Variants in CCDC66 observed in about 807,000 individuals in gnomAD.
CCDC66 encodes coiled-coil domain-containing protein 66.
Under a neutral mutation model 128.3 loss-of-function variants are expected in CCDC66, and 133 were observed. The ratio of observed to expected loss-of-function variants is 1.04; its 90% CI spans 0.90 to 1.20. The LOEUF (loss-of-function observed/expected upper bound fraction) is 1.20. Among genes scored for constraint, CCDC66 ranks in the 50% most tolerant of loss-of-function variants. CCDC66 has a pLI of 0.00. For synonymous variants in CCDC66, 387 were observed against 357.0 expected, an observed-to-expected ratio of 1.08 and a Z score of -0.95; for missense variants, 1,126 against 1,075.5, an observed-to-expected ratio of 1.05 and a Z score of -0.66.
chr3:56,620,627 C>G (rs767918824), intron 17 of CCDC66: 2 of 152,202 alleles, frequency 1.3e-5, no homozygotes, highest in Non-Finnish European at 2.9e-5. Context: ...TGTCCCCCCA[C>G]TTTGGTCTAT....
intron 10 of CCDC66, among the ~76,000 whole-genome samples, chr3:56,610,470 T>TAGAA (rs2074638666): frequency 6.6e-6 from 1 of 152,218 alleles, no homozygotes; most frequent in African/African-American, 2.4e-5. Context: ...CTCCCTTTAC[T>TAGAA]TCTTGTATCA....
chr3:56,605,619 T>G (rs1044035003), intron 10 of CCDC66, among the ~76,000 whole-genome samples: 1 of 152,052 alleles, frequency 6.6e-6, no homozygotes, highest in African/African-American at 2.4e-5. Flanking sequence ...CAGCAAAGAT[T>G]GCTGCTTGTT....
At chr3:56,582,317 C>A (rs1026991438) in intron 7 of CCDC66, among the ~76,000 whole-genome samples, 9 of 151,898 alleles carry the variant, frequency 5.9e-5, no homozygotes, top group African/African-American at 1.9e-4. Context: ...TCTGTCACGG[C>A]TTCCCTTTGC....
intron 7 of CCDC66, among the ~76,000 whole-genome samples, chr3:56,583,471 G>A (rs1043905875): frequency 2.0e-5 from 3 of 151,860 alleles, no homozygotes; most frequent in Non-Finnish European, 2.9e-5. Flanking sequence ...TGTGTCCCTG[G>A]GTACTTGAGA....
chr3:56,615,099 T>C (rs758406760), intron 11 of CCDC66, 29 bp from the exon 12 acceptor site: 5 of 1,604,556 alleles, frequency 3.1e-6, no homozygotes, highest in Non-Finnish European at 3.4e-6. Flanking sequence ...GTTTAATAGA[T>C]GAATTTAGTA....
chr3:56,591,804 T>C (rs1272116543), intron 7 of CCDC66, among the ~76,000 whole-genome samples: 1 of 152,200 alleles, frequency 6.6e-6, no homozygotes, highest in Non-Finnish European at 1.5e-5. Flanking sequence ...AAACAGTGAG[T>C]TGTAAACTAT....
chr3:56,606,950 G>T (rs536477251), intron 10 of CCDC66, among the ~76,000 whole-genome samples: 2 of 152,164 alleles, frequency 1.3e-5, no homozygotes, highest in Admixed American at 6.5e-5. Context: ...TCAGTTGGCT[G>T]TAAGTATTTG....
At chr3:56,591,789 G>A (rs541954426) in intron 7 of CCDC66, among the ~76,000 whole-genome samples, 1 of 152,136 alleles carries the variant, frequency 6.6e-6, no homozygotes. Context: ...TATTTCTTCT[G>A]ATCAAAACAG....
intron 10 of CCDC66, among the ~76,000 whole-genome samples, chr3:56,602,025 A>G (rs1371351791): frequency 6.6e-6 from 1 of 152,042 alleles, no homozygotes; most frequent in Non-Finnish European, 1.5e-5. Flanking sequence ...GAGTGGAGAG[A>G]GAGGGCATCC....
chr3:56,608,747 A>G (rs1269490019), intron 10 of CCDC66, among the ~76,000 whole-genome samples: 2 of 152,134 alleles, frequency 1.3e-5, no homozygotes, highest in Non-Finnish European at 2.9e-5. Context: ...TTTTAGGGCT[A>G]TGAACTTTCC....
chr3:56,568,335 T>A (rs73081819), intron 6 of CCDC66, among the ~76,000 whole-genome samples: 55,451 of 152,134 alleles, frequency 0.36, 13,377 homozygotes, highest in Non-Finnish European at 0.54. Flanking sequence ...TCAAGGATAG[T>A]CTTCCCACTT....
In CCDC66 at chr3:56,619,522, C is replaced by T. The variant is rs770113701; in HGVS notation, c.2630C>T (p.Ser877Leu). The change falls in exon 16 of 18, where the codon TCA (serine) becomes TTA (leucine). Residue 877 changes from serine (S) to leucine (L), a missense_variant. Coordinates refer to ENST00000394672, the MANE Select transcript of CCDC66 (RefSeq NM_001141947.3). ...PSTQDPQYQNSQDCGQKRQLF... is the reference protein window; with the variant it reads ...PSTQDPQYQNLQDCGQKRQLF... ...ACCCAGGACCCTCAGTACCAAAATT[C>T]ACAAGGTAAGTAAATATTAAGCATT... is the stretch of plus-strand genomic sequence containing the variant. The T allele has an allele frequency of 6.2e-7, 1 of 1,604,892 alleles. No homozygotes were observed. Among genetic ancestry groups the T allele is most frequent in the Non-Finnish European group, 8.5e-7 (1 of 1,176,698 alleles).
chr3:56,568,474 A>G (rs1168716067), intron 6 of CCDC66, among the ~76,000 whole-genome samples: 1 of 152,200 alleles, frequency 6.6e-6, no homozygotes, highest in Non-Finnish European at 1.5e-5. Context: ...GTTCTCTACA[A>G]ATGCTTAAGA....
chr3:56,619,529 T>A lies in CCDC66; in HGVS notation c.2635+2T>A, dbSNP rs1559788835. On this transcript the variant is annotated splice_donor_variant, in intron 16 of 17. Transcript: ENST00000394672. LOFTEE classifies it high-confidence loss of function. ...ACCCTCAGTACCAAAATTCACAAGG[T>A]AAGTAAATATTAAGCATTCTAACTG... is the stretch of plus-strand genomic sequence containing the variant. The A allele has an allele frequency of 1.2e-6, 2 of 1,601,172 alleles. No individual in the cohort carries two copies. The highest frequency in any genetic ancestry group is 1.7e-6 in the Non-Finnish European group (2 of 1,175,280).
intron 10 of CCDC66, among the ~76,000 whole-genome samples, chr3:56,601,258 G>C (rs62256015): frequency 0.044 from 6,660 of 152,074 alleles, 234 homozygotes; most frequent in Non-Finnish European, 0.066. Context: ...GTTTGTGTCA[G>C]GTTTGTCAAA....
chr3:56,591,048 C>T (rs2070800786), intron 7 of CCDC66, among the ~76,000 whole-genome samples: 1 of 152,180 alleles, frequency 6.6e-6, no homozygotes. Flanking sequence ...TACCTCTCCC[C>T]ATCTCCCACC....
In CCDC66 at chr3:56,558,894, A is replaced by G. The variant is rs1299411347; in HGVS notation, c.60A>G (p.Leu20=). 3 of 1,547,934 alleles carry G rather than the reference A, an allele frequency of 1.9e-6. No homozygotes were observed. Among genetic ancestry groups the G allele is most frequent in the Non-Finnish European group, 2.6e-6 (3 of 1,144,270 alleles). ...ETELLDGKTK[L]ILSPYEHKSK... The stretch of plus-strand genomic sequence containing the variant: ...AATTACTGGATGGAAAAACCAAGCT[A>G]ATATTGTCTCCATATGGTATGTTGT... The change falls in exon 2 of 18, where the codon CTA becomes CTG. Residue 20 remains leucine, a synonymous_variant. Coordinates refer to ENST00000394672, the MANE Select transcript of CCDC66 (RefSeq NM_001141947.3).
At position 56,566,688 on chromosome 3, in the gene CCDC66, C is replaced by T. The variant is rs370520912; in HGVS notation, c.639C>T (p.Val213=). The change falls in exon 5 of 18, where the codon GTC becomes GTT. Residue 213 remains valine (V), a synonymous_variant. Coordinates refer to ENST00000394672, the MANE Select transcript of CCDC66 (RefSeq NM_001141947.3). ...AAAAAACTGAAATGGTTTCATCTGT[C>T]CCAGCTGAAAATAAATCTGTCTTAA... ...LFKKTEMVSS[V]PAENKSVLNE... is the part of the protein sequence containing the mutation. 131 of 1,612,872 alleles carry T rather than the reference C, an allele frequency of 8.1e-5. No individual in the cohort carries two copies. The highest frequency in any genetic ancestry group is 7.8e-4 in the South Asian group (71 of 91,050).
At position 56,566,661 on chromosome 3, in the gene CCDC66, CA is replaced by C; in HGVS notation, c.619del (p.Thr207LeufsTer15). The C allele has an allele frequency of 6.2e-7, 1 of 1,608,768 alleles. No homozygotes were observed. The highest frequency in any genetic ancestry group is 8.5e-7 in the Non-Finnish European group (1 of 1,175,342). ...PKDENIMGLF[K>X]KTEMVSSVPA... ...AGGATGAGAACATTATGGGATTATT[CA>C]AAAAAACTGAAATGGTTTCATCTGT... On this transcript the variant is annotated frameshift_variant, in exon 5 of 18. Transcript: ENST00000394672. LOFTEE classifies it high-confidence loss of function.
Sources: gnomAD v4.1 joint callset for allele counts (sites outside exome capture counted in the v4.1 genomes callset) on GRCh38, gnomAD v4.1.1 for gene constraint, MANE v1.5 for transcripts, NCBI Gene and HGNC (gene_info 2026-07-23, HGNC 2026-07-21) for gene names.